GPC3: variants seen among roughly 807,000 people sequenced by gnomAD.
The protein encoded by GPC3 is glypican-3.
In GPC3, 3 loss-of-function variants were observed where a neutral mutation model predicts 34.4. The observed-to-expected ratio is 0.09, with a 90% CI of 0.04 to 0.23. The LOEUF is 0.23. GPC3 is among the 10% of genes least tolerant of loss of function. The pLI, the probability that GPC3 is intolerant of heterozygous loss-of-function variation, is 1.00. For synonymous variants in GPC3, 177 were observed against 174.0 expected, an observed-to-expected ratio of 1.02 and a Z score of -0.13; for missense variants, 351 against 445.6, an observed-to-expected ratio of 0.79 and a Z score of 1.91.
chrX:133,937,257 C>G (rs1304320748), intron 2 of GPC3, among the ~76,000 whole-genome samples: 2 of 111,319 alleles, frequency 1.8e-5, no homozygotes, highest in Non-Finnish European at 3.8e-5. Flanking sequence ...AAAGTCTCCA[C>G]CTGACACACG....
chrX:133,902,756 T>G (rs916784400), intron 2 of GPC3, among the ~76,000 whole-genome samples: 1 of 111,658 alleles, frequency 9.0e-6, no homozygotes, highest in Non-Finnish European at 1.9e-5. Flanking sequence ...TTTTAGGATA[T>G]GTAAAACAAA....
intron 2 of GPC3, among the ~76,000 whole-genome samples, chrX:133,942,487 T>C (rs1001085508): frequency 2.7e-5 from 3 of 112,011 alleles, no homozygotes; most frequent in Non-Finnish European, 3.8e-5. Context: ...AAGTACATTA[T>C]TGACATGGAA....
intron 2 of GPC3, among the ~76,000 whole-genome samples, chrX:133,787,042 C>T (rs1355407961): frequency 2.7e-5 from 3 of 112,065 alleles, no homozygotes; most frequent in Non-Finnish European, 5.6e-5. Context: ...AATAACATGA[C>T]ATTTAATACT....
At position 133,585,152 on chromosome X, in the gene GPC3, C is replaced by G. The variant is rs372294219; in HGVS notation, c.1573+11288G>C. 2.0e-4 allele frequency among the ~76,000 whole-genome samples: 22 copies of G among 111,723 alleles called. 1 individual carries two copies. Among genetic ancestry groups the G allele is most frequent in the African/African-American group, 6.2e-4 (19 of 30,757 alleles). ...TGCGAATGGGAAATGTCCTTGTACCCGACAGACAAATAAAGAGGGGAGGTG... is the reference window on the plus strand; with the variant it reads ...TGCGAATGGGAAATGTCCTTGTACCGGACAGACAAATAAAGAGGGGAGGTG... On this transcript the variant is annotated intron_variant, in intron 7 of 7. Coordinates refer to ENST00000370818, the MANE Select transcript of GPC3 (RefSeq NM_004484.4).
intron 2 of GPC3, among the ~76,000 whole-genome samples, chrX:133,794,009 C>A (rs2075562931): frequency 8.9e-6 from 1 of 112,064 alleles, no homozygotes; most frequent in Non-Finnish European, 1.9e-5. Flanking sequence ...GCTTCTCTTC[C>A]ATCTGCACAA....
intron 2 of GPC3, among the ~76,000 whole-genome samples, chrX:133,907,252 G>T (rs1486571456): frequency 1.8e-5 from 2 of 111,275 alleles, no homozygotes; most frequent in Non-Finnish European, 3.8e-5. Flanking sequence ...AATCAATTTT[G>T]CCCTGAAGAT....
Position 133,928,801 on chromosome X carries a change from A to G in GPC3, c.337+24249T>C, listed in dbSNP as rs768788683. 4.5e-5 allele frequency among the ~76,000 whole-genome samples: 5 copies of G among 111,796 alleles called. No individual in the cohort carries two copies. The South Asian group carries it at 1.9e-3, about 42-fold the overall frequency. On this transcript the variant is annotated intron_variant, in intron 2 of 7. Transcript: ENST00000370818. ...CAAGTTATATGTTTTCTTCCTATTG[A>G]GTTGTATGAGTTCTTTATAAATCTT... is the stretch of plus-strand genomic sequence containing the variant.
chrX:133,656,387 A>T (rs1381067325), intron 6 of GPC3, among the ~76,000 whole-genome samples: 1 of 112,250 alleles, frequency 8.9e-6, no homozygotes, highest in Non-Finnish European at 1.9e-5. Context: ...GAATGAAATC[A>T]GTAGCTCTGG....
At chrX:133,638,608 T>C (rs1163062459) in intron 6 of GPC3, among the ~76,000 whole-genome samples, 1 of 111,762 alleles carries the variant, frequency 8.9e-6, no homozygotes, top group African/African-American at 3.3e-5. Context: ...TAGATGTATA[T>C]GAATGCCTTG....
intron 2 of GPC3, among the ~76,000 whole-genome samples, chrX:133,761,739 C>T (rs946982509): frequency 4.5e-5 from 5 of 111,684 alleles, no homozygotes; most frequent in South Asian, 7.5e-4. Context: ...CAACAATTGA[C>T]CAACTCATTA....
At chrX:133,984,850 G>T (rs975997893) in intron 1 of GPC3, among the ~76,000 whole-genome samples, 4 of 109,447 alleles carry the variant, frequency 3.7e-5, no homozygotes, top group African/African-American at 1.3e-4. Context: ...TTGGGGAAGG[G>T]ATGGCTGGAG....
intron 6 of GPC3, among the ~76,000 whole-genome samples, chrX:133,610,865 A>C (rs2070102457): frequency 9.4e-6 from 1 of 106,558 alleles, no homozygotes; most frequent in Non-Finnish European, 1.9e-5. Context: ...TACAGACTGG[A>C]ATGGTAAGTG....
chrX:133,609,789 C>CTTCACAGAATTA (rs1288744171), intron 6 of GPC3, among the ~76,000 whole-genome samples: 2 of 112,286 alleles, frequency 1.8e-5, no homozygotes, highest in Non-Finnish European at 3.8e-5. Context: ...CTAAACTAAC[C>CTTCACAGAATTA]TTCACAGAAT....
chrX:133,770,993 A>G (rs1472282077), intron 2 of GPC3, among the ~76,000 whole-genome samples: 4 of 111,555 alleles, frequency 3.6e-5, no homozygotes, highest in Non-Finnish European at 5.7e-5. Flanking sequence ...ATTCGGACAG[A>G]TGGACAAGGG....
At chrX:133,823,128 CAAAAAAAAAAAAAAAAAAA>C (rs34231185) in intron 2 of GPC3, among the ~76,000 whole-genome samples, 16 of 18,869 alleles carry the variant, frequency 8.5e-4, no homozygotes, top group African/African-American at 2.2e-3. Flanking sequence ...GACTCCGTCT[CAAAAAAAAAAAAAAAAAAA>C]AAAAAAAAAA....
At chrX:133,920,291 A>G (rs1407386029) in intron 2 of GPC3, among the ~76,000 whole-genome samples, 2 of 112,108 alleles carry the variant, frequency 1.8e-5, no homozygotes, top group Middle Eastern at 4.6e-3. Flanking sequence ...TGGCACAGAC[A>G]CCACACACTG....
chrX:133,660,573 C>T (rs953329520), intron 6 of GPC3, among the ~76,000 whole-genome samples: 3 of 112,078 alleles, frequency 2.7e-5, no homozygotes, highest in Non-Finnish European at 5.6e-5. Flanking sequence ...GAGTCAGAAG[C>T]TGGCAAGGAT....
intron 6 of GPC3, among the ~76,000 whole-genome samples, chrX:133,647,203 T>G (rs114382226): frequency 0.052 from 5,883 of 112,191 alleles, 395 homozygotes; most frequent in African/African-American, 0.18. Flanking sequence ...AAACTGAGGA[T>G]AAAGAGGAAC....
chrX:133,540,915 GGTGTGTGTGTGTGTGTGTGTGTGT>G (rs369378252), intron 7 of GPC3, among the ~76,000 whole-genome samples: 1 of 91,705 alleles, frequency 1.1e-5, no homozygotes, highest in South Asian at 5.6e-4. Flanking sequence ...ACATTGTTGT[GGTGTGTGTGTGTGTGTGTGTGTGT>G]GTGTGTGTGT....
Sources: allele counts gnomAD v4.1 joint callset (sites outside exome capture counted in the v4.1 genomes callset), GRCh38; gene constraint gnomAD v4.1.1; transcripts MANE v1.5; gene names NCBI Gene and HGNC (gene_info 2026-07-23, HGNC 2026-07-21).